The following NR2F1-AS1 variants were observed in gnomAD, a reference collection of about 807,000 sequenced individuals.
NR2F1-AS1 encodes NR2F1 antisense RNA 1.
chr5:93,465,455 G>T (rs1294158977), intron 4 of NR2F1-AS1, among the ~76,000 whole-genome samples: 6 of 152,170 alleles, frequency 3.9e-5, no homozygotes, highest in Admixed American at 3.3e-4. Context: ...TGGAGAAATA[G>T]GAGTGTTTTA....
rs978427443 is a variant in NR2F1-AS1 at position 93,443,122 on chromosome 5, A to G, written n.639-47580T>C. On this transcript the variant is annotated intron_variant and non_coding_transcript_variant, in intron 4 of 5. Transcript: ENST00000660523. Reference sequence around the variant, plus strand: ...GAGCAGAAAAGCTGAAAATTCTAAAAATCAGAGTGCCTCTTCTCTTCCAAA... The same window carrying G: ...GAGCAGAAAAGCTGAAAATTCTAAAGATCAGAGTGCCTCTTCTCTTCCAAA... Among the ~76,000 whole-genome samples, 6 of 152,342 alleles carry G rather than the reference A, an allele frequency of 3.9e-5. No individual in the cohort carries two copies. The South Asian group carries it at 1.2e-3, about 32-fold the overall frequency.
chr5:93,482,759 G>C (rs972467056), intron 4 of NR2F1-AS1, among the ~76,000 whole-genome samples: 3 of 152,196 alleles, frequency 2.0e-5, no homozygotes, highest in Non-Finnish European at 4.4e-5. Flanking sequence ...GCTCTAGCTT[G>C]GTGGAGGGAG....
At chr5:93,521,061 G>C (rs892347386) in intron 4 of NR2F1-AS1, among the ~76,000 whole-genome samples, 2 of 152,024 alleles carry the variant, frequency 1.3e-5, no homozygotes, top group African/African-American at 4.8e-5. Flanking sequence ...CAGAAGTAAC[G>C]CCACACACCT....
intron 4 of NR2F1-AS1, among the ~76,000 whole-genome samples, chr5:93,451,219 C>A (rs1280601387): frequency 6.9e-6 from 1 of 144,092 alleles, no homozygotes; most frequent in Non-Finnish European, 1.5e-5. Context: ...ACAATAGAAA[C>A]AAGTTGGAAG....
At chr5:93,584,418 C>A (rs1753187012), upstream of NR2F1-AS1, 1 of 148,746 alleles carries the variant, frequency 6.7e-6, no homozygotes, top group South Asian at 2.1e-4. Flanking sequence ...GGGCGCCCGG[C>A]GCGGGTGAGC....
chr5:93,424,866 G>A (rs1749162764), intron 4 of NR2F1-AS1, among the ~76,000 whole-genome samples: 1 of 152,142 alleles, frequency 6.6e-6, no homozygotes, highest in Admixed American at 6.6e-5. Context: ...GGTAGTGTGA[G>A]ATGTTTTAAA....
At position 93,430,302 on chromosome 5, in the gene NR2F1-AS1, T is replaced by C. The variant is rs139753438; in HGVS notation, n.639-34760A>G. Among the ~76,000 whole-genome samples, 54 of 152,332 alleles carry C rather than the reference T, an allele frequency of 3.5e-4. No individual in the cohort carries two copies. The East Asian group carries it at 0.01, about 29-fold the overall frequency. On this transcript the variant is annotated intron_variant and non_coding_transcript_variant, in intron 4 of 5. Transcript: ENST00000660523. ...ACAGTCAGCTTCTTGTAAAAACTTT[T>C]GTCACCCAGGCTTCATGGCAAGAGC...
intron 2 of NR2F1-AS1, among the ~76,000 whole-genome samples, chr5:93,561,977 T>C (rs1752498456): frequency 6.6e-6 from 1 of 151,908 alleles, no homozygotes; most frequent in South Asian, 2.1e-4. Flanking sequence ...GATAACTAAA[T>C]TGACACATTT....
At chr5:93,537,235 T>C (rs1751857837) in intron 4 of NR2F1-AS1, among the ~76,000 whole-genome samples, 1 of 152,134 alleles carries the variant, frequency 6.6e-6, no homozygotes, top group Admixed American at 6.6e-5. Flanking sequence ...CTTATGGCAT[T>C]GGGCTGGACA....
chr5:93,444,015 C>T (rs933983637), intron 4 of NR2F1-AS1, among the ~76,000 whole-genome samples: 1 of 152,140 alleles, frequency 6.6e-6, no homozygotes, highest in Non-Finnish European at 1.5e-5. Flanking sequence ...GATTTTGTCA[C>T]CACCAGGCCT....
chr5:93,519,805 T>C (rs558480838), intron 4 of NR2F1-AS1, among the ~76,000 whole-genome samples: 9 of 152,114 alleles, frequency 5.9e-5, no homozygotes, highest in South Asian at 4.1e-4. Flanking sequence ...ATTTTCAACA[T>C]AACACTTAAA....
At chr5:93,478,859 C>G (rs562039298) in intron 4 of NR2F1-AS1, among the ~76,000 whole-genome samples, 14 of 152,112 alleles carry the variant, frequency 9.2e-5, no homozygotes, top group South Asian at 2.1e-4. Context: ...TCTTGTTCCT[C>G]CCATTCAATT....
chr5:93,522,693 C>G (rs190220371), intron 4 of NR2F1-AS1, among the ~76,000 whole-genome samples: 1 of 151,520 alleles, frequency 6.6e-6, no homozygotes, highest in African/African-American at 2.4e-5. Context: ...AGCCCACAGA[C>G]GGTGAGCCAA....
chr5:93,511,949 T>C (rs1376472056), intron 4 of NR2F1-AS1, among the ~76,000 whole-genome samples: 1 of 152,150 alleles, frequency 6.6e-6, no homozygotes, highest in African/African-American at 2.4e-5. Flanking sequence ...GCCAAAAAGG[T>C]TGGGGACCAC....
rs79001366 is a variant in NR2F1-AS1, at chr5:93,562,032, T to C, written n.413+1332A>G. 9.6e-3 allele frequency among the ~76,000 whole-genome samples: 1,448 copies of C among 151,390 alleles called. 12 individuals carry two copies. The highest frequency in any genetic ancestry group is 0.013 in the Non-Finnish European group (894 of 67,822). ...GAAGTATTAAGAAAAACTCTAAGAT[T>C]TTTTTTAAGTACTGATTTAAAGTTA... On this transcript the variant is annotated intron_variant and non_coding_transcript_variant, in intron 2 of 5. Coordinates refer to ENST00000660523, the Ensembl canonical transcript of NR2F1-AS1.
intron 4 of NR2F1-AS1, among the ~76,000 whole-genome samples, chr5:93,443,566 A>C (rs1749622941): frequency 6.6e-6 from 1 of 152,258 alleles, no homozygotes; most frequent in East Asian, 1.9e-4. Flanking sequence ...GACCAAATCT[A>C]CATCTGACTG....
At chr5:93,510,257 A>C (rs567843145) in intron 4 of NR2F1-AS1, among the ~76,000 whole-genome samples, 1 of 152,238 alleles carries the variant, frequency 6.6e-6, no homozygotes, top group South Asian at 2.1e-4. Flanking sequence ...GTACAGGCTG[A>C]ACTAAAGAGT....
intron 4 of NR2F1-AS1, among the ~76,000 whole-genome samples, chr5:93,433,250 G>GT (rs1354674064): frequency 6.6e-6 from 1 of 152,096 alleles, no homozygotes; most frequent in Non-Finnish European, 1.5e-5. Flanking sequence ...TCGTTGTTGG[G>GT]TTTTCTCCTT....
upstream of NR2F1-AS1, among the ~76,000 whole-genome samples, chr5:93,582,949 G>T (rs79453671): frequency 7.9e-4 from 96 of 120,824 alleles, no homozygotes; most frequent in Non-Finnish European, 1.6e-4. Flanking sequence ...GTAGCTAAGC[G>T]GGGGGGGGAG....
Sources: allele counts gnomAD v4.1 joint callset (sites outside exome capture counted in the v4.1 genomes callset), GRCh38; gene constraint gnomAD v4.1.1; transcripts MANE v1.5; gene names NCBI Gene and HGNC (gene_info 2026-07-23, HGNC 2026-07-21).